ZFPM2: variants seen among roughly 807,000 people sequenced by gnomAD.
The protein encoded by ZFPM2 is zinc finger protein, FOG family member 2.
ZFPM2 carries 20 observed loss-of-function variants against 98.6 expected under a neutral mutation model. The observed-to-expected ratio is 0.20, with a 90% CI of 0.14 to 0.29. The LOEUF (loss-of-function observed/expected upper bound fraction) is 0.29, where lower values mean the gene tolerates loss of function less well. Among genes scored for constraint, ZFPM2 ranks in the 10% least tolerant of loss-of-function variants. ZFPM2 has a pLI of 1.00. For synonymous variants in ZFPM2, 518 were observed against 502.7 expected (o/e 1.03, Z -0.41); for missense variants, 1,310 against 1,388.6 (o/e 0.94, Z 0.90).
chr8:105,549,668 G>T (rs371952910), intron 3 of ZFPM2, among the ~76,000 whole-genome samples: 6 of 150,738 alleles, frequency 4.0e-5, no homozygotes, highest in African/African-American at 1.2e-4. Context: ...GTGAAGGGCA[G>T]TGGCACAATA....
At chr8:105,702,126 GCTT>G (rs1328246078) in intron 5 of ZFPM2, among the ~76,000 whole-genome samples, 1 of 152,186 alleles carries the variant, frequency 6.6e-6, no homozygotes. Flanking sequence ...TGTCTGCTCA[GCTT>G]CTTAAAGGGC....
chr8:105,575,839 G>A (rs1158901407), intron 4 of ZFPM2, among the ~76,000 whole-genome samples: 1 of 152,126 alleles, frequency 6.6e-6, no homozygotes, highest in Non-Finnish European at 1.5e-5. Flanking sequence ...GATGAAATAT[G>A]AAGCTATCTT....
intron 5 of ZFPM2, 72 bp downstream of exon 5, chr8:105,634,429 A>G (rs982576915): frequency 1.1e-5 from 13 of 1,174,910 alleles, no homozygotes; most frequent in African/African-American, 9.1e-5. Context: ...GCACCAGAAG[A>G]GCTGGAATGG....
chr8:105,561,257 T>C, intron 3 of ZFPM2, 106 bp from the exon 4 acceptor site: 1 of 845,912 alleles, frequency 1.2e-6, no homozygotes. Flanking sequence ...ATTCTCTTTA[T>C]ATGAATCCTG....
At chr8:105,435,037 A>G (rs1812093327) in intron 2 of ZFPM2, among the ~76,000 whole-genome samples, 1 of 152,232 alleles carries the variant, frequency 6.6e-6, no homozygotes, top group East Asian at 1.9e-4. Context: ...AATACCTAAT[A>G]AGGTATTTAA....
intron 3 of ZFPM2, among the ~76,000 whole-genome samples, chr8:105,536,328 T>A (rs1814449700): frequency 6.6e-6 from 1 of 152,120 alleles, no homozygotes; most frequent in African/African-American, 2.4e-5. Flanking sequence ...GGTAGGTGAT[T>A]GCTAATATAT....
intron 5 of ZFPM2, among the ~76,000 whole-genome samples, chr8:105,754,988 G>A (rs1420573145): frequency 2.0e-5 from 3 of 151,068 alleles, no homozygotes; most frequent in Non-Finnish European, 4.4e-5. Context: ...GTGTGTGCAC[G>A]TGCGCATGTG....
chr8:105,594,924 A>G (rs1163846497), intron 4 of ZFPM2, among the ~76,000 whole-genome samples: 1 of 152,264 alleles, frequency 6.6e-6, no homozygotes, highest in East Asian at 1.9e-4. Flanking sequence ...ACATAAACAT[A>G]TAACTATAGT....
chr8:105,568,998 C>G (rs894857733), intron 4 of ZFPM2, among the ~76,000 whole-genome samples: 6 of 151,738 alleles, frequency 4.0e-5, no homozygotes, highest in Non-Finnish European at 7.4e-5. Flanking sequence ...CCACCTATCT[C>G]TCTTCATCTC....
chr8:105,575,077 A>G (rs1326387640), intron 4 of ZFPM2, among the ~76,000 whole-genome samples: 1 of 152,124 alleles, frequency 6.6e-6, no homozygotes, highest in Non-Finnish European at 1.5e-5. Context: ...CTTTGTGAAA[A>G]TGACAACTCT....
At chr8:105,354,169 C>A (rs1369453803) in intron 1 of ZFPM2, among the ~76,000 whole-genome samples, 1 of 152,104 alleles carries the variant, frequency 6.6e-6, no homozygotes, top group Non-Finnish European at 1.5e-5. Context: ...CTATACAAAC[C>A]AGTGAAATTG....
chr8:105,791,528 C>G (rs111495006), intron 6 of ZFPM2, among the ~76,000 whole-genome samples: 2 of 152,018 alleles, frequency 1.3e-5, no homozygotes, highest in African/African-American at 4.8e-5. Flanking sequence ...CAATGTTCAT[C>G]AAGGATATTG....
At chr8:105,515,973 A>T (rs2130526129) in intron 3 of ZFPM2, among the ~76,000 whole-genome samples, 1 of 129,064 alleles carries the variant, frequency 7.7e-6, no homozygotes, top group East Asian at 2.3e-4. Context: ...GCTGCAGTGC[A>T]GTGGCGTGAT....
rs58159246 is a variant in ZFPM2, at chr8:105,778,894, C to CTT, written c.533-9808_533-9807dup. 1.1e-3 allele frequency among the ~76,000 whole-genome samples: 143 copies of CTT among 132,348 alleles called. 1 individual carries two copies. The highest frequency in any genetic ancestry group is 6.4e-3 in the East Asian group (29 of 4,562). The allele number at this position is 132,348 out of a possible 152,430, so 86.8% of individuals were successfully genotyped here. On this transcript the variant is annotated intron_variant, in intron 5 of 7. Coordinates refer to ENST00000407775, the MANE Select transcript of ZFPM2 (RefSeq NM_012082.4). ...GAGCCTGATTCACAGAAACTGTCATCTTTTTTTTTTTTTTTTTACGCATAC... is the reference window on the plus strand; with the variant it reads ...GAGCCTGATTCACAGAAACTGTCATCTTTTTTTTTTTTTTTTTTTACGCATAC...
chr8:105,406,410 A>C (rs1174888465), intron 1 of ZFPM2, among the ~76,000 whole-genome samples: 1 of 152,058 alleles, frequency 6.6e-6, no homozygotes, highest in Admixed American at 6.6e-5. Context: ...CTGGCTAGCC[A>C]GCTGAAACTG....
intron 3 of ZFPM2, among the ~76,000 whole-genome samples, chr8:105,492,494 C>G (rs1813375907): frequency 1.3e-5 from 2 of 152,050 alleles, no homozygotes; most frequent in African/African-American, 4.8e-5. Flanking sequence ...AGAAAAGATA[C>G]ATATATTGCT....
intron 1 of ZFPM2, among the ~76,000 whole-genome samples, chr8:105,357,664 A>G (rs912698243): frequency 2.0e-5 from 3 of 152,164 alleles, no homozygotes; most frequent in Non-Finnish European, 4.4e-5. Flanking sequence ...AAAAAAATGT[A>G]TATTCCCTTA....
At chr8:105,320,256 T>TGTG (rs1811999090) in intron 1 of ZFPM2, among the ~76,000 whole-genome samples, 2 of 142,262 alleles carry the variant, frequency 1.4e-5, no homozygotes, top group African/African-American at 5.2e-5. Context: ...ATTCAGATCT[T>TGTG]TGTGTGTGTG....
chr8:105,433,330 A>C (rs1812056496), intron 2 of ZFPM2, among the ~76,000 whole-genome samples: 1 of 152,214 alleles, frequency 6.6e-6, no homozygotes, highest in African/African-American at 2.4e-5. Flanking sequence ...AGGGATAAAT[A>C]TTCAGTACTG....
Sources: gnomAD v4.1 joint callset for allele counts (sites outside exome capture counted in the v4.1 genomes callset) on GRCh38, gnomAD v4.1.1 for gene constraint, MANE v1.5 for transcripts, NCBI Gene and HGNC (gene_info 2026-07-23, HGNC 2026-07-21) for gene names.